The following MAML3 variants were observed in gnomAD, a reference collection of about 807,000 sequenced individuals.
The protein encoded by MAML3 is mastermind like transcriptional coactivator 3, also known as mastermind-like protein 3.
MAML3 carries 27 observed loss-of-function variants against 101.9 expected under a neutral mutation model. The observed-to-expected ratio is 0.27, with a 90% CI of 0.20 to 0.37. The LOEUF (loss-of-function observed/expected upper bound fraction) is 0.37. MAML3 is among the 10% of genes least tolerant of loss of function. The pLI, the probability that MAML3 is intolerant of heterozygous loss-of-function variation, is 1.00. For missense variants in MAML3, 1,316 were observed against 1,444.9 expected, an observed-to-expected ratio of 0.91 and a Z score of 1.45; for synonymous variants, 501 against 555.9, an observed-to-expected ratio of 0.90 and a Z score of 1.39.
intron 1 of MAML3, among the ~76,000 whole-genome samples, chr4:140,027,177 T>C (rs1726840445): frequency 6.6e-6 from 1 of 152,352 alleles, no homozygotes; most frequent in Non-Finnish European, 1.5e-5. Flanking sequence ...TATCCCCGTC[T>C]TGTTGCTTCT....
Position 139,943,864 on chromosome 4 carries a change from C to CTTTTTTTTTTTTTTTTTTTTTTTTTTTT in MAML3, c.469-52898_469-52897insAAAAAAAAAAAAAAAAAAAAAAAAAAAA, listed in dbSNP as rs10644498. Among the ~76,000 whole-genome samples the CTTTTTTTTTTTTTTTTTTTTTTTTTTTT allele has an allele frequency of 4.9e-4, 32 of 65,864 alleles. 7 individuals are homozygous for CTTTTTTTTTTTTTTTTTTTTTTTTTTTT. Among genetic ancestry groups the CTTTTTTTTTTTTTTTTTTTTTTTTTTTT allele is most frequent in the East Asian group, 1.0e-3 (2 of 1,908 alleles). 43.2% of individuals were successfully genotyped at this position (65,864 alleles called of 152,430 possible). On this transcript the variant is annotated intron_variant, in intron 1 of 4. Transcript: ENST00000509479. ...GGTTGGGTTGTGGGCCTAAAGACAA[C>CTTTTTTTTTTTTTTTTTTTTTTTTTTTT]TTTTTTTTTTTTTTTTTTTTTTTTG...
chr4:140,152,941 G>A lies in MAML3; in HGVS notation c.387C>T (p.Thr129=), dbSNP rs1159830760. Residue 129 remains threonine (T), a synonymous_variant, in exon 1 of 5, where the codon ACC becomes ACT. Transcript: ENST00000509479. ...GTTTGCTCGGGTGCTGCTGTTTGCC[G>A]GTGCCGGCGCCCGATTTCTTGGCCC... ...EQRAKKSGAG[T]GKQQHPSKPQ... is the part of the protein sequence containing the mutation. 10 of 1,612,570 alleles carry A rather than the reference G, an allele frequency of 6.2e-6. No individual in the cohort carries two copies. Among genetic ancestry groups the A allele is most frequent in the Non-Finnish European group, 8.5e-6 (10 of 1,179,544 alleles).
At chr4:139,942,171 AAGGCAGGCAGGC>A (rs561148147) in intron 1 of MAML3, among the ~76,000 whole-genome samples, 107 of 76,860 alleles carry the variant, frequency 1.4e-3, no homozygotes, top group South Asian at 9.7e-3. Context: ...GGAGGGAGGG[AAGGCAGGCAGGC>A]AGGCAGGCAG....
At chr4:139,778,121 T>C (rs1244337417) in intron 2 of MAML3, among the ~76,000 whole-genome samples, 1 of 152,160 alleles carries the variant, frequency 6.6e-6, no homozygotes, top group Non-Finnish European at 1.5e-5. Flanking sequence ...ACTGACACGC[T>C]GGGGTGATGC....
At chr4:139,905,375 C>T (rs1392929362) in intron 1 of MAML3, among the ~76,000 whole-genome samples, 1 of 151,264 alleles carries the variant, frequency 6.6e-6, no homozygotes, top group Non-Finnish European at 1.5e-5. Context: ...ATCTGTAGTC[C>T]CAGCTACTCA....
At chr4:140,109,024 A>T (rs1728398614) in intron 1 of MAML3, among the ~76,000 whole-genome samples, 1 of 152,184 alleles carries the variant, frequency 6.6e-6, no homozygotes, top group Admixed American at 6.5e-5. Flanking sequence ...GCTAAATGAG[A>T]ACTATAAAGC....
At chr4:139,913,089 T>C (rs1414065681) in intron 1 of MAML3, among the ~76,000 whole-genome samples, 1 of 152,236 alleles carries the variant, frequency 6.6e-6, no homozygotes, top group Non-Finnish European at 1.5e-5. Flanking sequence ...GTCAATGTAA[T>C]ACATATTTTG....
intron 1 of MAML3, among the ~76,000 whole-genome samples, chr4:139,971,042 G>T (rs904693668): frequency 2.6e-5 from 4 of 152,156 alleles, no homozygotes; most frequent in South Asian, 4.1e-4. Flanking sequence ...ATTATGATAT[G>T]TGTCTATGTA....
chr4:139,968,499 A>G (rs781510630), intron 1 of MAML3, among the ~76,000 whole-genome samples: 18 of 152,084 alleles, frequency 1.2e-4, no homozygotes, highest in Non-Finnish European at 2.4e-4. Context: ...ACCCTTGGCA[A>G]GTCAGCAGGC....
chr4:140,138,763 T>G (rs957933030), intron 1 of MAML3, among the ~76,000 whole-genome samples: 1 of 152,160 alleles, frequency 6.6e-6, no homozygotes, highest in African/African-American at 2.4e-5. Context: ...AGGAAGGGAA[T>G]GTTATGCTTT....
chr4:139,982,431 G>A (rs1560856430), intron 1 of MAML3, among the ~76,000 whole-genome samples: 1 of 152,088 alleles, frequency 6.6e-6, no homozygotes, highest in African/African-American at 2.4e-5. Flanking sequence ...AAGAAGCTAT[G>A]GTTGTTTTTA....
At chr4:140,030,183 C>T (rs1346098753) in intron 1 of MAML3, among the ~76,000 whole-genome samples, 3 of 152,164 alleles carry the variant, frequency 2.0e-5, no homozygotes, top group Admixed American at 1.3e-4. Context: ...TCCCTCCTCC[C>T]CTCCCATTTT....
chr4:139,836,274 T>G (rs1360901343), intron 2 of MAML3, among the ~76,000 whole-genome samples: 2 of 152,180 alleles, frequency 1.3e-5, no homozygotes, highest in African/African-American at 2.4e-5. Context: ...CACATCTACA[T>G]TTCAGCTCCT....
At chr4:139,983,329 G>C (rs1371043297) in intron 1 of MAML3, among the ~76,000 whole-genome samples, 1 of 152,094 alleles carries the variant, frequency 6.6e-6, no homozygotes, top group South Asian at 2.1e-4. Context: ...GCTTTTTATA[G>C]AATGTCATAA....
chr4:139,830,155 A>C (rs968608171), intron 2 of MAML3, among the ~76,000 whole-genome samples: 1 of 152,186 alleles, frequency 6.6e-6, no homozygotes, highest in African/African-American at 2.4e-5. Flanking sequence ...ATATCCAAAA[A>C]ATGAAACTGG....
At chr4:139,852,611 C>T (rs1731580378) in intron 2 of MAML3, among the ~76,000 whole-genome samples, 1 of 151,938 alleles carries the variant, frequency 6.6e-6, no homozygotes, top group African/African-American at 2.4e-5. Flanking sequence ...GACAGGGTTT[C>T]ACCATGTTGG....
At chr4:139,865,484 GGTTTTTTTTTT>G (rs1469110701) in intron 2 of MAML3, among the ~76,000 whole-genome samples, 1 of 97,928 alleles carries the variant, frequency 1.0e-5, no homozygotes, top group Non-Finnish European at 1.8e-5. Flanking sequence ...CTCTGTAAAA[GGTTTTTTTTTT>G]GTTTTTTTTT....
At chr4:140,145,887 T>TTTTTTTTC (rs1729054479) in intron 1 of MAML3, among the ~76,000 whole-genome samples, 1 of 147,098 alleles carries the variant, frequency 6.8e-6, no homozygotes, top group Non-Finnish European at 1.5e-5. Context: ...TCTTTTTTTT[T>TTTTTTTTC]TTTGAGAAGG....
intron 2 of MAML3, among the ~76,000 whole-genome samples, chr4:139,836,132 C>T (rs898201719): frequency 1.3e-5 from 2 of 152,196 alleles, no homozygotes. Flanking sequence ...TATTGAACCT[C>T]ACCATTCTGT....
Sources: gnomAD v4.1 joint callset for allele counts (sites outside exome capture counted in the v4.1 genomes callset) on GRCh38, gnomAD v4.1.1 for gene constraint, MANE v1.5 for transcripts, NCBI Gene and HGNC (gene_info 2026-07-23, HGNC 2026-07-21) for gene names.